The following CNTN4 variants were observed in gnomAD, a reference collection of about 807,000 sequenced individuals.
The protein encoded by CNTN4 is contactin 4.
In CNTN4, 77 loss-of-function variants were observed where a neutral mutation model predicts 122.5. That is an observed-to-expected ratio of 0.63 (90% confidence interval 0.52 to 0.76). The LOEUF (loss-of-function observed/expected upper bound fraction) is 0.76. Ranked by LOEUF, CNTN4 falls within the 30% of genes least tolerant of loss-of-function variation. The pLI is 0.00. For synonymous variants in CNTN4, 512 were observed against 447.0 expected (o/e 1.15, Z -1.83); for missense variants, 1,256 against 1,259.1 (o/e 1.00, Z 0.04).
intron 3 of CNTN4, among the ~76,000 whole-genome samples, chr3:2,494,262 TA>T (rs201583169): frequency 0.011 from 1,657 of 152,266 alleles, 9 homozygotes; most frequent in Non-Finnish European, 0.015. Context: ...TTATACATTT[TA>T]GGGGACAGAA....
chr3:2,667,406 T>C (rs993532232), intron 4 of CNTN4, among the ~76,000 whole-genome samples: 4 of 152,218 alleles, frequency 2.6e-5, no homozygotes, highest in African/African-American at 9.7e-5. Context: ...GAACTGTCTG[T>C]TCATATCCTT....
At position 2,816,369 on chromosome 3, in the gene CNTN4, A is replaced by G. The variant is rs2092730623; in HGVS notation, c.359-3117A>G. ...ACTCCATCTCAAAAAAAATAAAAAA[A>G]ATAAATAAATAAAATAAATAAAAAA... is the stretch of plus-strand genomic sequence containing the variant. On this transcript the variant is annotated intron_variant, in intron 6 of 24. Transcript: ENST00000418658. Among the ~76,000 whole-genome samples, 4 of 151,862 alleles carry G rather than the reference A, an allele frequency of 2.6e-5. No homozygotes were observed. The South Asian group carries it at 8.3e-4, about 32-fold the overall frequency.
intron 4 of CNTN4, among the ~76,000 whole-genome samples, chr3:2,627,670 T>G (rs1451041539): frequency 6.6e-6 from 1 of 151,918 alleles, no homozygotes; most frequent in Non-Finnish European, 1.5e-5. Flanking sequence ...ATTTTTTGTA[T>G]TTTTAGTAGA....
chr3:2,751,342 A>G (rs1214443903), intron 6 of CNTN4, among the ~76,000 whole-genome samples: 1 of 152,068 alleles, frequency 6.6e-6, no homozygotes, highest in African/African-American at 2.4e-5. Context: ...AAAAAAATAA[A>G]GATGCTCATG....
chr3:2,134,371 G>A (rs960953285), intron 2 of CNTN4, among the ~76,000 whole-genome samples: 12 of 152,166 alleles, frequency 7.9e-5, no homozygotes, highest in Non-Finnish European at 1.2e-4. Context: ...GAAAACTGCC[G>A]CTTTTCAAAG....
At chr3:3,036,178 G>C (rs1050842581) in intron 17 of CNTN4, among the ~76,000 whole-genome samples, 2 of 152,150 alleles carry the variant, frequency 1.3e-5, no homozygotes, top group South Asian at 2.1e-4. Flanking sequence ...GACAGCAAAA[G>C]TAGGCTATAT....
intron 7 of CNTN4, among the ~76,000 whole-genome samples, chr3:2,853,337 C>T (rs556735716): frequency 1.6e-4 from 24 of 152,086 alleles, no homozygotes; most frequent in Non-Finnish European, 2.8e-4. Context: ...CTCCGCCTCC[C>T]GGGTTCAAGC....
intron 2 of CNTN4, among the ~76,000 whole-genome samples, chr3:2,313,193 A>G: frequency 6.6e-6 from 1 of 152,014 alleles, no homozygotes; most frequent in East Asian, 1.9e-4. Context: ...CTATTACTTA[A>G]AAGCAAGACG....
intron 2 of CNTN4, among the ~76,000 whole-genome samples, chr3:2,272,468 A>G (rs771640820): frequency 1.3e-5 from 2 of 152,204 alleles, no homozygotes; most frequent in African/African-American, 4.8e-5. Flanking sequence ...AGATACAGCA[A>G]TCACTTACTG....
intron 4 of CNTN4, among the ~76,000 whole-genome samples, chr3:2,671,753 A>G (rs1018831252): frequency 2.6e-5 from 4 of 152,054 alleles, no homozygotes; most frequent in Non-Finnish European, 5.9e-5. Flanking sequence ...TGATGGTGAC[A>G]TACGACATAC....
At chr3:2,574,606 C>T (rs2728055) in intron 4 of CNTN4, among the ~76,000 whole-genome samples, 94,442 of 151,936 alleles carry the variant, frequency 0.62, 29,703 homozygotes, top group Middle Eastern at 0.66. Context: ...AAAAGTTCAG[C>T]CACAATGAAA....
At chr3:2,384,586 T>C (rs2046165312) in intron 3 of CNTN4, among the ~76,000 whole-genome samples, 1 of 152,218 alleles carries the variant, frequency 6.6e-6, no homozygotes, top group Non-Finnish European at 1.5e-5. Context: ...CATGGTGAAT[T>C]GCAAATGCCC....
At chr3:2,120,373 AAATATATATATAT>A (rs2033652458) in intron 2 of CNTN4, among the ~76,000 whole-genome samples, 4 of 44,102 alleles carry the variant, frequency 9.1e-5, no homozygotes, top group South Asian at 5.8e-4. Context: ...ATATATATAT[AAATATATATATAT>A]ATATATATAT....
rs535385986 is a variant in CNTN4, at chr3:2,983,025, G to T, written c.1359-5320G>T. ...GTCAGGAGATCGAGACCATCCTGGC[G>T]AACACGGTGAAAACCTGTCTCTACT... is the stretch of plus-strand genomic sequence containing the variant. On this transcript the variant is annotated intron_variant, in intron 13 of 24. Transcript: ENST00000418658. Among the ~76,000 whole-genome samples the T allele has an allele frequency of 7.9e-4, 120 of 151,240 alleles. 1 individual carries two copies. Among genetic ancestry groups the T allele is most frequent in the South Asian group, 5.7e-3 (27 of 4,774 alleles).
chr3:2,917,778 G>C (rs894596741), intron 12 of CNTN4, among the ~76,000 whole-genome samples: 1 of 152,178 alleles, frequency 6.6e-6, no homozygotes, highest in African/African-American at 2.4e-5. Flanking sequence ...AGATTGTGTA[G>C]AGGTTGGAAG....
chr3:2,251,646 T>C (rs577119901), intron 2 of CNTN4, among the ~76,000 whole-genome samples: 1 of 151,946 alleles, frequency 6.6e-6, no homozygotes. Context: ...TTAGCCCTTA[T>C]TATAACATAT....
intron 6 of CNTN4, among the ~76,000 whole-genome samples, chr3:2,765,746 A>G (rs1257665836): frequency 6.6e-6 from 1 of 152,202 alleles, no homozygotes; most frequent in Non-Finnish European, 1.5e-5. Flanking sequence ...TTGATAAAGC[A>G]AGTGCCACCT....
chr3:2,448,633 G>T (rs1406348258), intron 3 of CNTN4, among the ~76,000 whole-genome samples: 2 of 152,182 alleles, frequency 1.3e-5, no homozygotes, highest in Non-Finnish European at 2.9e-5. Context: ...GGAGCCAGAG[G>T]AAGTGATTCT....
In CNTN4 at chr3:2,240,704, T is replaced by C. The variant is rs1434293428; in HGVS notation, c.-144-98474T>C. On this transcript the variant is annotated intron_variant, in intron 2 of 24. Transcript: ENST00000418658. ...TGTAACTCATGTATGAAAATGGTAA[T>C]GTCAAGCAACGAAGCTTATTAAGAC... Among the ~76,000 whole-genome samples, 3 of 152,178 alleles carry C rather than the reference T, an allele frequency of 2.0e-5. No homozygotes were observed. In the East Asian group the frequency reaches 5.8e-4, roughly 29 times the overall value.
Sources: allele counts gnomAD v4.1 joint callset (sites outside exome capture counted in the v4.1 genomes callset), GRCh38; gene constraint gnomAD v4.1.1; transcripts MANE v1.5; gene names NCBI Gene and HGNC (gene_info 2026-07-23, HGNC 2026-07-21).